CD226: variants seen among roughly 807,000 people sequenced by gnomAD.
CD226 encodes CD226 antigen.
Under a neutral mutation model 34.9 loss-of-function variants are expected in CD226, and 24 were observed. That is an observed-to-expected ratio of 0.69 (90% CI 0.50 to 0.97). The LOEUF (loss-of-function observed/expected upper bound fraction) is 0.97. CD226 is among the 50% of genes least tolerant of loss of function. The pLI, the probability that CD226 is intolerant of heterozygous loss-of-function variation, is 0.00. For synonymous variants in CD226, 148 were observed against 147.4 expected, an observed-to-expected ratio of 1.00 and a Z score of -0.03; for missense variants, 397 against 412.7, an observed-to-expected ratio of 0.96 and a Z score of 0.33.
chr18:69,947,168 A>G (rs1054211414), intron 1 of CD226, 99 bp from the exon 2 acceptor site: 2 of 1,068,616 alleles, frequency 1.9e-6, no homozygotes, highest in Non-Finnish European at 2.8e-6. Flanking sequence ...AGATCACAGT[A>G]AAGGCTGACA....
In CD226 at chr18:69,855,129, A is replaced by C. The variant is rs1198998446; in HGVS notation, c.*9185T>G. The C allele has an allele frequency of 6.6e-6, 1 of 152,072 alleles. No homozygotes were observed. Among genetic ancestry groups the C allele is most frequent in the Non-Finnish European group, 1.5e-5 (1 of 68,004 alleles). 9.4% of individuals were successfully genotyped at this position (152,072 alleles called of 1,614,324 possible). On this transcript the variant is annotated 3_prime_UTR_variant, in exon 6 of 6. Transcript: ENST00000582621. ...GGCTTGCAACAAAAAATTCAAAAAA[A>C]ATGTCAAAGAACGTCAAAAGGCAAG...
rs752790330 is a variant in CD226 at position 69,864,328 on chromosome 18, T to G, written c.997A>C (p.Lys333Gln). 7.5e-5 allele frequency: 121 copies of G among 1,613,738 alleles called. 1 individual carries two copies. The highest frequency in any genetic ancestry group is 9.7e-5 in the Non-Finnish European group (114 of 1,179,860). The change falls in exon 6 of 6, where the codon AAG becomes CAG. Residue 333 changes from lysine to glutamine, a missense_variant. Coordinates refer to ENST00000582621, the MANE Select transcript of CD226 (RefSeq NM_001303618.2). ...VNYPTFSRRP[K>Q]TRV The stretch of plus-strand genomic sequence containing the variant: ...CAAGAATAAGCTTAAACTCTAGTCT[T>G]TGGTCTGCGAGAGAAGGTTGGATAG...
chr18:69,953,836 C>T (rs535857133), intron 1 of CD226, among the ~76,000 whole-genome samples: 3 of 152,072 alleles, frequency 2.0e-5, no homozygotes, highest in South Asian at 2.1e-4. Flanking sequence ...CCCGACTCTA[C>T]TAAAAATACA....
chr18:69,900,576 CA>C (rs1415685196), intron 2 of CD226, among the ~76,000 whole-genome samples: 1 of 150,826 alleles, frequency 6.6e-6, no homozygotes, highest in South Asian at 2.1e-4. Context: ...ACTAAAAATA[CA>C]AAAAATTAGC....
intron 2 of CD226, among the ~76,000 whole-genome samples, chr18:69,905,304 T>A (rs2055238995): frequency 6.6e-6 from 1 of 151,882 alleles, no homozygotes; most frequent in Non-Finnish European, 1.5e-5. Flanking sequence ...TAGAAATCAA[T>A]TTCTGCACTT....
At chr18:69,958,889 T>C (rs1000028958), upstream of CD226, among the ~76,000 whole-genome samples, 1 of 152,192 alleles carries the variant, frequency 6.6e-6, no homozygotes, top group Non-Finnish European at 1.5e-5. Context: ...TTTTATTATT[T>C]AGCTATTGCT....
Position 69,947,660 on chromosome 18 carries a change from A to G in CD226, c.-254T>C, listed in dbSNP as rs886616837. The G allele has an allele frequency of 3.4e-5, 12 of 350,128 alleles. No homozygotes were observed. The highest frequency in any genetic ancestry group is 6.4e-5 in the African/African-American group (3 of 47,106). 21.7% of individuals were successfully genotyped at this position (350,128 alleles called of 1,614,324 possible). ...GCTTATTTTCGGGCTTTCATTTTCTACAAGGAGTCATTCATTCAACAAACA... is the reference window on the plus strand; with the variant it reads ...GCTTATTTTCGGGCTTTCATTTTCTGCAAGGAGTCATTCATTCAACAAACA... On this transcript the variant is annotated 5_prime_UTR_variant, in exon 1 of 6. It removes the in-frame stop codon of an upstream open reading frame in the 5' UTR. Transcript: ENST00000582621.
intron 3 of CD226, among the ~76,000 whole-genome samples, chr18:69,876,141 A>G (rs755689954): frequency 1.3e-5 from 2 of 152,158 alleles, no homozygotes; most frequent in Non-Finnish European, 2.9e-5. Context: ...GCTTTTTTAT[A>G]TTTTCCAAAT....
At chr18:69,945,954 A>AT (rs370348802) in intron 2 of CD226, among the ~76,000 whole-genome samples, 9 of 152,018 alleles carry the variant, frequency 5.9e-5, no homozygotes, top group African/African-American at 1.9e-4. Flanking sequence ...ATGCACTATC[A>AT]TGAGGACAGC....
chr18:69,882,659 T>C (rs1237802808), intron 3 of CD226, among the ~76,000 whole-genome samples: 2 of 152,194 alleles, frequency 1.3e-5, no homozygotes, highest in African/African-American at 2.4e-5. Context: ...AAAGAGACTA[T>C]ATAGATGCTT....
chr18:69,929,661 T>A (rs967338483), intron 2 of CD226, among the ~76,000 whole-genome samples: 4 of 152,164 alleles, frequency 2.6e-5, no homozygotes, highest in Non-Finnish European at 4.4e-5. Context: ...CTCTCTTGGG[T>A]TCTGATTAAA....
chr18:69,956,656 T>G (rs1469286128), intron 1 of CD226: 1 of 109,392 alleles, frequency 9.1e-6, no homozygotes, highest in East Asian at 3.5e-4. Context: ...TGCATCAACT[T>G]GCCATGGTTT....
intron 3 of CD226, among the ~76,000 whole-genome samples, chr18:69,889,335 T>G (rs1456577718): frequency 1.3e-5 from 2 of 152,090 alleles, no homozygotes; most frequent in East Asian, 3.9e-4. Flanking sequence ...GTAAAGATAA[T>G]AAAAGGCTGA....
intron 2 of CD226, among the ~76,000 whole-genome samples, chr18:69,901,227 T>A (rs2055178504): frequency 6.6e-6 from 1 of 152,176 alleles, no homozygotes; most frequent in African/African-American, 2.4e-5. Flanking sequence ...ACAGTAACAA[T>A]GTGTGGAACT....
intron 2 of CD226, among the ~76,000 whole-genome samples, chr18:69,926,439 C>T (rs975200042): frequency 6.6e-6 from 1 of 152,022 alleles, no homozygotes; most frequent in African/African-American, 2.4e-5. Context: ...TGAGAGTCCC[C>T]TTTATGGCAT....
chr18:69,886,825 C>T (rs1203595884), intron 3 of CD226, among the ~76,000 whole-genome samples: 1 of 152,046 alleles, frequency 6.6e-6, no homozygotes, highest in Admixed American at 6.6e-5. Flanking sequence ...AAATGTTGTA[C>T]AGATCTTTTC....
At chr18:69,920,736 A>G (rs1021315330) in intron 2 of CD226, among the ~76,000 whole-genome samples, 28 of 152,226 alleles carry the variant, frequency 1.8e-4, no homozygotes, top group Non-Finnish European at 7.3e-5. Flanking sequence ...CACTGTTATT[A>G]TGACTCTCAT....
chr18:69,895,741 T>C lies in CD226; in HGVS notation c.687A>G (p.Gly229=). 1 of 1,614,148 alleles carries C rather than the reference T, an allele frequency of 6.2e-7. No individual in the cohort carries two copies. Among genetic ancestry groups the C allele is most frequent in the South Asian group, 1.1e-5 (1 of 91,078 alleles). The change falls in exon 3 of 6, where the codon GGA becomes GGG. Residue 229 remains glycine, a synonymous_variant. Coordinates refer to ENST00000582621, the MANE Select transcript of CD226 (RefSeq NM_001303618.2). The part of the protein sequence containing the change: ...LYRCYLQASA[G]ENETFVMRLT... Reference sequence around the variant, plus strand: ...ATCTCATCACGAAGGTTTCGTTTTCTCCTGCGCTGGCCTGCAAGTAGCAGC... The same window carrying C: ...ATCTCATCACGAAGGTTTCGTTTTCCCCTGCGCTGGCCTGCAAGTAGCAGC...
intron 3 of CD226, among the ~76,000 whole-genome samples, chr18:69,880,524 G>A (rs930641736): frequency 6.6e-6 from 1 of 152,062 alleles, no homozygotes; most frequent in Non-Finnish European, 1.5e-5. Flanking sequence ...AAAAATTAAT[G>A]TCTTAGAAGT....
Sources: gnomAD v4.1 joint callset for allele counts (sites outside exome capture counted in the v4.1 genomes callset) on GRCh38, gnomAD v4.1.1 for gene constraint, MANE v1.5 for transcripts, NCBI Gene and HGNC (gene_info 2026-07-23, HGNC 2026-07-21) for gene names.